PIKFYVE: variants seen among roughly 807,000 people sequenced by gnomAD.
PIKFYVE encodes 1-phosphatidylinositol 3-phosphate 5-kinase.
In PIKFYVE, 122 loss-of-function variants were observed where a neutral mutation model predicts 257.9. The observed-to-expected ratio is 0.47, with a 90% CI of 0.41 to 0.55. The LOEUF (loss-of-function observed/expected upper bound fraction) is 0.55. Ranked by LOEUF, PIKFYVE falls within the 20% of genes least tolerant of loss-of-function variation. PIKFYVE has a pLI of 0.00. For missense variants in PIKFYVE, 2,160 were observed against 2,536.6 expected, an observed-to-expected ratio of 0.85 and a Z score of 3.19; for synonymous variants, 892 against 868.9, an observed-to-expected ratio of 1.03 and a Z score of -0.47.
In PIKFYVE at chr2:208,302,311, C is replaced by T. The variant is rs1371008387; in HGVS notation, c.1278C>T (p.Asp426=). The change falls in exon 10 of 42, where the codon GAC becomes GAT. Residue 426 remains aspartate (D), a synonymous_variant. Transcript: ENST00000264380. ...GRWLDCVSHH[D]QLFRDEYALY... ...GGCTGGATTGTGTTAGTCATCACGA[C>T]CAGCTTTTCAGAGATGAGTATGCGC... The T allele has an allele frequency of 3.1e-6, 5 of 1,614,100 alleles. No homozygotes were observed. The highest frequency in any genetic ancestry group is 4.2e-6 in the Non-Finnish European group (5 of 1,180,006).
chr2:208,354,304 A>T, intron 40 of PIKFYVE, 145 bp downstream of exon 40: 1 of 1,098,236 alleles, frequency 9.1e-7, no homozygotes. Flanking sequence ...TTTTTATTCT[A>T]GTCTCTTCTA....
intron 16 of PIKFYVE, among the ~76,000 whole-genome samples, chr2:208,319,116 T>G (rs1695906767): frequency 6.6e-6 from 1 of 152,204 alleles, no homozygotes; most frequent in Non-Finnish European, 1.5e-5. Context: ...GCCCCACTTC[T>G]GGGGATACTG....
At chr2:208,351,659 C>T (rs1308015015) in intron 38 of PIKFYVE, among the ~76,000 whole-genome samples, 2 of 152,032 alleles carry the variant, frequency 1.3e-5, no homozygotes, top group Admixed American at 6.6e-5. Context: ...CTGGTGAGGG[C>T]CTCAGGAAGC....
intron 10 of PIKFYVE, 191 bp downstream of exon 10, chr2:208,302,544 A>G (rs1693822286): frequency 6.9e-6 from 4 of 579,302 alleles, no homozygotes; most frequent in Admixed American, 2.9e-5. Flanking sequence ...AGAATCAAAC[A>G]TTTTATTGTT....
intron 6 of PIKFYVE, among the ~76,000 whole-genome samples, chr2:208,288,291 A>C (rs868350686): frequency 2.0e-4 from 31 of 152,150 alleles, no homozygotes; most frequent in Middle Eastern, 3.4e-3. Context: ...TAAGTAATGA[A>C]CCCAAGGTCA....
rs1384102294 is a variant in PIKFYVE at position 208,357,047 on chromosome 2, G to C, written c.*1742G>C. On this transcript the variant is annotated 3_prime_UTR_variant, in exon 42 of 42. Coordinates refer to ENST00000264380, the MANE Select transcript of PIKFYVE (RefSeq NM_015040.4). Reference sequence around the variant, plus strand: ...TTTGAACTGGAAGCAAGTTGACCAAGGACTTATGACTAATGTGATGCTAAG... The same window carrying C: ...TTTGAACTGGAAGCAAGTTGACCAACGACTTATGACTAATGTGATGCTAAG... The C allele has an allele frequency of 6.6e-6, 1 of 152,240 alleles. No individual in the cohort carries two copies. The highest frequency in any genetic ancestry group is 1.5e-5 in the Non-Finnish European group (1 of 68,046). The allele number at this position is 152,240 out of a possible 1,614,324, so 9.4% of individuals were successfully genotyped here. A position where few individuals can be genotyped will look rare whatever the true frequency, so the allele number is the denominator to read the frequency against.
chr2:208,341,482 C>G (rs922828342), intron 31 of PIKFYVE, among the ~76,000 whole-genome samples: 2 of 152,132 alleles, frequency 1.3e-5, no homozygotes, highest in Non-Finnish European at 2.9e-5. Context: ...CTTATGATTC[C>G]TGTCTTGGTC....
At chr2:208,284,522 A>G (rs1362178840) in intron 5 of PIKFYVE, among the ~76,000 whole-genome samples, 1 of 152,118 alleles carries the variant, frequency 6.6e-6, no homozygotes, top group African/African-American at 2.4e-5. Context: ...CAGTCTCCCA[A>G]AGTGCTGGGA....
rs76122202 is a variant in PIKFYVE, at chr2:208,290,060, A to G, written c.911+1242A>G. 3.4e-3 allele frequency among the ~76,000 whole-genome samples: 512 copies of G among 152,310 alleles called. 3 individuals are homozygous for G. The highest frequency in any genetic ancestry group is 0.012 in the African/African-American group (494 of 41,544). On this transcript the variant is annotated intron_variant, in intron 7 of 41. Coordinates refer to ENST00000264380, the MANE Select transcript of PIKFYVE (RefSeq NM_015040.4). The stretch of plus-strand genomic sequence containing the variant: ...CTGTCCCCACACATGCACAATCTTC[A>G]TGACTATCGGTGTCCTGCACTAGAG...
intron 1 of PIKFYVE, chr2:208,269,434 C>T: frequency 4.1e-6 from 1 of 241,822 alleles, no homozygotes; most frequent in Admixed American, 4.1e-5. Flanking sequence ...AGCCATCTTC[C>T]CTCCCAGGGT....
At chr2:208,341,737 C>T (rs544781967) in intron 31 of PIKFYVE, among the ~76,000 whole-genome samples, 7 of 152,052 alleles carry the variant, frequency 4.6e-5, no homozygotes, top group Non-Finnish European at 8.8e-5. Context: ...AAGAGTATTC[C>T]ACTCTCATGA....
rs1242767155 is a variant in PIKFYVE at position 208,325,307 on chromosome 2, A to G, written c.2496A>G (p.Pro832=). 11 of 1,614,122 alleles carry G rather than the reference A, an allele frequency of 6.8e-6. No homozygotes were observed. Among genetic ancestry groups the G allele is most frequent in the Non-Finnish European group, 9.3e-6 (11 of 1,180,012 alleles). ...TKTLMFFEGC[P]QHLGCTIKLR... ...CACTGATGTTTTTTGAAGGTTGTCC[A>G]CAGCACCTAGGCTGTACAATCAAGC... Residue 832 remains proline (P), a synonymous_variant, in exon 20 of 42, where the codon CCA becomes CCG. Coordinates refer to ENST00000264380, the MANE Select transcript of PIKFYVE (RefSeq NM_015040.4).
At chr2:208,314,675 G>A (rs1258524902) in intron 14 of PIKFYVE, among the ~76,000 whole-genome samples, 1 of 152,138 alleles carries the variant, frequency 6.6e-6, no homozygotes, top group Non-Finnish European at 1.5e-5. Flanking sequence ...GAGGCGGGAG[G>A]ATCACAAGCT....
chr2:208,333,095 G>A (rs574568657), intron 23 of PIKFYVE, among the ~76,000 whole-genome samples: 5 of 152,020 alleles, frequency 3.3e-5, no homozygotes, highest in South Asian at 4.2e-4. Context: ...TTAGCCGGGC[G>A]TGGTGGCGCG....
At chr2:208,272,090 C>A (rs1689495994) in intron 2 of PIKFYVE, among the ~76,000 whole-genome samples, 1 of 151,938 alleles carries the variant, frequency 6.6e-6, no homozygotes, top group Admixed American at 6.6e-5. Flanking sequence ...AAAAAATTAG[C>A]CGGGCATGGT....
chr2:208,301,774 G>C (rs1693715070), intron 9 of PIKFYVE, among the ~76,000 whole-genome samples: 1 of 152,124 alleles, frequency 6.6e-6, no homozygotes, highest in African/African-American at 2.4e-5. Flanking sequence ...AATAATAGTG[G>C]CTGAAGTGCT....
chr2:208,346,224 CAAAT>C (rs1464085204), intron 34 of PIKFYVE, 77 bp downstream of exon 34: 6 of 1,142,928 alleles, frequency 5.2e-6, no homozygotes, highest in South Asian at 3.8e-5. Flanking sequence ...TACATAAAAA[CAAAT>C]AAGTACTATC....
At chr2:208,324,634 G>A (rs917290905) in intron 18 of PIKFYVE, among the ~76,000 whole-genome samples, 7 of 152,216 alleles carry the variant, frequency 4.6e-5, no homozygotes, top group Middle Eastern at 3.4e-3. Flanking sequence ...GCCAATTCTA[G>A]GAAGTTGTTT....
chr2:208,347,733 T>C, intron 34 of PIKFYVE, 126 bp from the exon 35 acceptor site: 1 of 821,964 alleles, frequency 1.2e-6, no homozygotes, highest in South Asian at 1.6e-5. Flanking sequence ...AACAAAAGTA[T>C]TTGCATTACT....
Sources: allele counts gnomAD v4.1 joint callset (sites outside exome capture counted in the v4.1 genomes callset), GRCh38; gene constraint gnomAD v4.1.1; transcripts MANE v1.5; gene names NCBI Gene and HGNC (gene_info 2026-07-23, HGNC 2026-07-21).